Variants in LYZL1 observed in about 807,000 individuals in gnomAD.
LYZL1 encodes the protein lysozyme-like protein 1.
Under a neutral mutation model 17.9 loss-of-function variants are expected in LYZL1, and 16 were observed. The ratio of observed to expected loss-of-function variants is 0.90; its 90% CI spans 0.61 to 1.36. LYZL1 has a LOEUF of 1.36. Among genes scored for constraint, LYZL1 ranks in the 40% most tolerant of loss-of-function variants. LYZL1 has a pLI of 0.00. For missense variants in LYZL1, 149 were observed against 188.4 expected (o/e 0.79, Z 1.22); for synonymous variants, 58 against 71.8 (o/e 0.81, Z 0.97).
At chr10:29,298,491 CCT>C (rs1468597661) in intron 3 of LYZL1, among the ~76,000 whole-genome samples, 1 of 152,158 alleles carries the variant, frequency 6.6e-6, no homozygotes, top group Non-Finnish European at 1.5e-5. Flanking sequence ...TGTGCGTTGG[CCT>C]CTGAGTGCAC....
intron 1 of LYZL1, among the ~76,000 whole-genome samples, chr10:29,290,771 A>G (rs1055709763): frequency 5.9e-5 from 9 of 152,128 alleles, no homozygotes; most frequent in East Asian, 3.9e-4. Context: ...CCTGGGAGGC[A>G]GAGTTTGGAG....
intron 1 of LYZL1, among the ~76,000 whole-genome samples, chr10:29,290,601 G>C (rs572404560): frequency 6.6e-6 from 1 of 152,294 alleles, no homozygotes; most frequent in East Asian, 1.9e-4. Flanking sequence ...AGCACTTTGG[G>C]AGGCCGAGGT....
chr10:29,313,875 T>C (rs1037142944), downstream of LYZL1, among the ~76,000 whole-genome samples: 3 of 152,178 alleles, frequency 2.0e-5, no homozygotes, highest in African/African-American at 4.8e-5. Flanking sequence ...GAGCAGACCA[T>C]TGGGTATTAG....
intron 3 of LYZL1, among the ~76,000 whole-genome samples, chr10:29,295,440 A>G (rs538819430): frequency 1.7e-4 from 26 of 152,326 alleles, no homozygotes; most frequent in African/African-American, 5.8e-4. Context: ...TCTCTGTCCC[A>G]GTCAATCTTA....
chr10:29,303,909 A>G (rs1482677664), intron 3 of LYZL1, among the ~76,000 whole-genome samples: 1 of 152,172 alleles, frequency 6.6e-6, no homozygotes, highest in Non-Finnish European at 1.5e-5. Context: ...GCATGGATAC[A>G]CTTCATGATC....
At position 29,292,599 on chromosome 10, in the gene LYZL1, A is replaced by G. The variant is rs1189256349; in HGVS notation, c.220A>G (p.Ile74Val). The G allele has an allele frequency of 2.5e-6, 4 of 1,614,026 alleles. No individual in the cohort carries two copies. The highest frequency in any genetic ancestry group is 1.3e-5 in the African/African-American group (1 of 74,946). Residue 74 changes from isoleucine (I) to valine (V), a missense_variant, in exon 3 of 5, where the codon ATC (isoleucine) becomes GTC (valine). Coordinates refer to ENST00000649382, the MANE Select transcript of LYZL1 (RefSeq NM_032517.6). Reference sequence around the variant, plus strand: ...GGATGACGGCAGCATCGACTATGGCATCTTCCAGATCAACAGCTTCGCGTG... The same window carrying G: ...GGATGACGGCAGCATCGACTATGGCGTCTTCCAGATCAACAGCTTCGCGTG... ...VLDDGSIDYG[I>V]FQINSFAWCR...
intron 3 of LYZL1, among the ~76,000 whole-genome samples, chr10:29,297,087 A>G (rs1241059236): frequency 2.0e-5 from 3 of 150,148 alleles, no homozygotes; most frequent in Admixed American, 2.0e-4. Context: ...TTTTTTTGAA[A>G]AAAAAAAAAA....
At chr10:29,315,281 G>A (rs1328473862), downstream of LYZL1, among the ~76,000 whole-genome samples, 1 of 152,092 alleles carries the variant, frequency 6.6e-6, no homozygotes, top group Non-Finnish European at 1.5e-5. Flanking sequence ...AGGCCAAGGT[G>A]GGCGGATCAC....
chr10:29,297,090 A>G (rs1261310931), intron 3 of LYZL1, among the ~76,000 whole-genome samples: 1 of 151,988 alleles, frequency 6.6e-6, no homozygotes, highest in Non-Finnish European at 1.5e-5. Context: ...TTTTGAAAAA[A>G]AAAAAAAAAG....
At position 29,296,117 on chromosome 10, in the gene LYZL1, A is replaced by G. The variant is rs569963397; in HGVS notation, c.298+3440A>G. On this transcript the variant is annotated intron_variant, in intron 3 of 4. Coordinates refer to ENST00000649382, the MANE Select transcript of LYZL1 (RefSeq NM_032517.6). The stretch of plus-strand genomic sequence containing the variant: ...GTAATTTGGTAGGGCAGCAATAGAA[A>G]CCCAATACCCCTCTCCTCCCTCTTG... Among the ~76,000 whole-genome samples, 43 of 152,132 alleles carry G rather than the reference A, an allele frequency of 2.8e-4. No individual in the cohort carries two copies. The South Asian group carries it at 8.5e-3, about 30-fold the overall frequency.
intron 3 of LYZL1, among the ~76,000 whole-genome samples, chr10:29,307,183 A>G (rs76999320): frequency 0.017 from 2,599 of 152,282 alleles, 90 homozygotes; most frequent in African/African-American, 0.059. Context: ...TGAACAGTAC[A>G]GTATAATTAA....
At chr10:29,297,413 T>C (rs1339181726) in intron 3 of LYZL1, among the ~76,000 whole-genome samples, 1 of 152,238 alleles carries the variant, frequency 6.6e-6, no homozygotes, top group Non-Finnish European at 1.5e-5. Context: ...CAGCAGTCAC[T>C]CCTTGTCTAT....
intron 3 of LYZL1, among the ~76,000 whole-genome samples, chr10:29,306,326 G>A (rs1280249151): frequency 1.5e-5 from 2 of 137,606 alleles, no homozygotes; most frequent in Non-Finnish European, 3.2e-5. Context: ...CGAGGCGGGC[G>A]GATCACGAGG....
At chr10:29,304,206 A>G (rs1835559635) in intron 3 of LYZL1, among the ~76,000 whole-genome samples, 1 of 152,246 alleles carries the variant, frequency 6.6e-6, no homozygotes, top group East Asian at 1.9e-4. Context: ...ACACACGTTC[A>G]TATACCTACA....
At chr10:29,296,820 A>G (rs190895301) in intron 3 of LYZL1, among the ~76,000 whole-genome samples, 11 of 152,330 alleles carry the variant, frequency 7.2e-5, no homozygotes, top group Admixed American at 7.2e-4. Context: ...TGAGATCCAC[A>G]GTTGAAAATC....
chr10:29,303,037 G>T (rs545873552), intron 3 of LYZL1, among the ~76,000 whole-genome samples: 1 of 152,142 alleles, frequency 6.6e-6, no homozygotes, highest in Non-Finnish European at 1.5e-5. Context: ...ATTCCCTTGG[G>T]CTAGTCAGAA....
At chr10:29,312,967 C>T (rs1337779626), downstream of LYZL1, among the ~76,000 whole-genome samples, 1 of 152,174 alleles carries the variant, frequency 6.6e-6, no homozygotes, top group African/African-American at 2.4e-5. Flanking sequence ...ACTGATGAGA[C>T]TGATGGATAC....
rs565747298 is a variant in LYZL1, at chr10:29,294,097, G to C, written c.298+1420G>C. On this transcript the variant is annotated intron_variant, in intron 3 of 4. Transcript: ENST00000649382. ...ATAGAGAAAAGTTATCCCAGGCCAG[G>C]GGAAGAGCAAAAGCAAAGAGGTGCC... Among the ~76,000 whole-genome samples, 9 of 152,260 alleles carry C rather than the reference G, an allele frequency of 5.9e-5. No homozygotes were observed. In the East Asian group the frequency reaches 1.7e-3, roughly 29 times the overall value.
chr10:29,297,878 G>C (rs564028761), intron 3 of LYZL1, among the ~76,000 whole-genome samples: 2 of 152,230 alleles, frequency 1.3e-5, no homozygotes, highest in East Asian at 3.9e-4. Flanking sequence ...TCAAGCATCA[G>C]AGTGACATCA....
Sources: gnomAD v4.1 joint callset for allele counts (sites outside exome capture counted in the v4.1 genomes callset) on GRCh38, gnomAD v4.1.1 for gene constraint, MANE v1.5 for transcripts, NCBI Gene and HGNC (gene_info 2026-07-23, HGNC 2026-07-21) for gene names.